The following ZFHX3 variants were observed in gnomAD, a reference collection of about 807,000 sequenced individuals.
ZFHX3 encodes the protein zinc finger homeobox protein 3.
In ZFHX3, 42 loss-of-function variants were observed where a neutral mutation model predicts 279.1. The ratio of observed to expected loss-of-function variants is 0.15; its 90% CI spans 0.12 to 0.19. The LOEUF is 0.19. ZFHX3 is among the 10% of genes least tolerant of loss of function. ZFHX3 has a pLI of 1.00. For synonymous variants in ZFHX3, 2,293 were observed against 1,957.8 expected, an observed-to-expected ratio of 1.17 and a Z score of -4.52; for missense variants, 4,981 against 4,754.0, an observed-to-expected ratio of 1.05 and a Z score of -1.40.
intron 2 of ZFHX3, among the ~76,000 whole-genome samples, chr16:73,646,321 T>A (rs1220231230): frequency 6.6e-6 from 1 of 152,104 alleles, no homozygotes; most frequent in African/African-American, 2.4e-5. Flanking sequence ...GATGAGACAA[T>A]GAGGGTACCC....
intron 1 of ZFHX3, among the ~76,000 whole-genome samples, chr16:73,731,943 C>A (rs2053573033): frequency 6.6e-6 from 1 of 152,140 alleles, no homozygotes; most frequent in Non-Finnish European, 1.5e-5. Flanking sequence ...AATAAAGTCA[C>A]TTTTTTGTTG....
At chr16:73,275,799 T>A (rs999793872) in intron 4 of ZFHX3, among the ~76,000 whole-genome samples, 2 of 152,186 alleles carry the variant, frequency 1.3e-5, no homozygotes, top group South Asian at 2.1e-4. Context: ...TGATGCAGGG[T>A]TGCCACAAAT....
At chr16:73,710,877 G>A (rs533743561) in intron 1 of ZFHX3, among the ~76,000 whole-genome samples, 58 of 152,240 alleles carry the variant, frequency 3.8e-4, no homozygotes, top group African/African-American at 1.0e-3. Flanking sequence ...TTAAGTGGCC[G>A]TGCTGAGGGT....
At chr16:73,497,804 G>T (rs1427245535) in intron 2 of ZFHX3, among the ~76,000 whole-genome samples, 1 of 152,186 alleles carries the variant, frequency 6.6e-6, no homozygotes, top group Non-Finnish European at 1.5e-5. Flanking sequence ...AGTTGCTGGA[G>T]AAAGGAGAAA....
At chr16:73,002,751 G>A (rs545498605) in intron 1 of ZFHX3, among the ~76,000 whole-genome samples, 2 of 152,106 alleles carry the variant, frequency 1.3e-5, no homozygotes, top group East Asian at 1.9e-4. Flanking sequence ...TTAGGTTCTC[G>A]CTAATTCACA....
At chr16:73,750,542 T>C (rs912660242) in intron 1 of ZFHX3, among the ~76,000 whole-genome samples, 1 of 152,172 alleles carries the variant, frequency 6.6e-6, no homozygotes, top group African/African-American at 2.4e-5. Context: ...AAAATGCAGA[T>C]GATCTATCTG....
intron 1 of ZFHX3, among the ~76,000 whole-genome samples, chr16:73,035,672 G>C (rs912716415): frequency 6.6e-6 from 1 of 152,230 alleles, no homozygotes; most frequent in East Asian, 1.9e-4. Context: ...GATCACTTGA[G>C]CTCAGGAGTT....
intron 1 of ZFHX3, among the ~76,000 whole-genome samples, chr16:72,991,137 C>A (rs749003431): frequency 2.0e-5 from 3 of 152,110 alleles, no homozygotes; most frequent in Non-Finnish European, 2.9e-5. Context: ...ACCCACATTA[C>A]AGTACAGTAA....
intron 2 of ZFHX3, among the ~76,000 whole-genome samples, chr16:73,573,857 A>G (rs1036941874): frequency 9.2e-5 from 14 of 152,198 alleles, no homozygotes; most frequent in Admixed American, 9.2e-4. Flanking sequence ...GCATATTTAC[A>G]TAAAATTTAC....
At chr16:73,520,429 C>G (rs1295516821) in intron 2 of ZFHX3, among the ~76,000 whole-genome samples, 1 of 152,156 alleles carries the variant, frequency 6.6e-6, no homozygotes, top group East Asian at 1.9e-4. Context: ...TAACTGTGAG[C>G]TTTTACCAGA....
chr16:72,839,411 G>A (rs2037287595), intron 4 of ZFHX3, among the ~76,000 whole-genome samples: 1 of 152,004 alleles, frequency 6.6e-6, no homozygotes, highest in Non-Finnish European at 1.5e-5. Context: ...CTTTCAAACA[G>A]TATTTTACAC....
chr16:72,911,681 A>G (rs894858185), intron 3 of ZFHX3, among the ~76,000 whole-genome samples: 3 of 152,214 alleles, frequency 2.0e-5, no homozygotes, highest in Non-Finnish European at 4.4e-5. Flanking sequence ...AAATAAAATG[A>G]AAAGTTCAAT....
At chr16:73,408,617 G>T (rs529214912) in intron 3 of ZFHX3, among the ~76,000 whole-genome samples, 1 of 152,206 alleles carries the variant, frequency 6.6e-6, no homozygotes, top group Non-Finnish European at 1.5e-5. Flanking sequence ...AACACGAGCA[G>T]AGCGGGGCTT....
rs763647776 is a variant in ZFHX3, at chr16:72,793,895, A to C, written c.8787T>G (p.Gly2929=). ...CAGATTTGCCTGCAGATCCACTCGC[A>C]CCAGGACTCGGGGAGCAGGGATCTG... ...SLADPCSPSP[G]ASGSAGKSGD... Residue 2929 remains glycine (G), a synonymous_variant, in exon 9 of 10, where the codon GGT becomes GGG. Coordinates refer to ENST00000268489, the MANE Select transcript of ZFHX3 (RefSeq NM_006885.4). This position sits in a 1 kb window ranked among gnomAD's most constrained non-coding sequence, Gnocchi z 4.3. 6.2e-7 allele frequency: 1 copy of C among 1,614,074 alleles called. No homozygotes were observed. Among genetic ancestry groups the C allele is most frequent in the Admixed American group, 1.7e-5 (1 of 60,004 alleles).
chr16:73,292,924 C>T (rs960180416), intron 4 of ZFHX3, among the ~76,000 whole-genome samples: 1 of 152,170 alleles, frequency 6.6e-6, no homozygotes, highest in Non-Finnish European at 1.5e-5. Context: ...AGAAGGTAGA[C>T]AGTCTGCTGA....
intron 1 of ZFHX3, among the ~76,000 whole-genome samples, chr16:73,852,267 C>G (rs565221001): frequency 3.3e-5 from 5 of 152,308 alleles, no homozygotes; most frequent in South Asian, 2.1e-4. Context: ...ACCAACACAA[C>G]ACGTCTTCAT....
intron 5 of ZFHX3, among the ~76,000 whole-genome samples, chr16:73,234,835 C>T (rs905454421): frequency 6.6e-6 from 1 of 152,192 alleles, no homozygotes; most frequent in African/African-American, 2.4e-5. Flanking sequence ...CCAATTGCCT[C>T]AGCCTTTGAA....
intron 3 of ZFHX3, among the ~76,000 whole-genome samples, chr16:73,391,848 A>T (rs8060956): frequency 0.61 from 93,194 of 151,948 alleles, 29,234 homozygotes; most frequent in Non-Finnish European, 0.69. Flanking sequence ...GATGATGCAC[A>T]CAACCGGGGA....
chr16:72,986,000 A>G (rs941897611), intron 1 of ZFHX3, among the ~76,000 whole-genome samples: 3 of 152,132 alleles, frequency 2.0e-5, no homozygotes, highest in African/African-American at 4.8e-5. Flanking sequence ...TGTTTACAAA[A>G]CTAATAAAGA....
Sources: gnomAD v4.1 joint callset for allele counts (sites outside exome capture counted in the v4.1 genomes callset) on GRCh38, gnomAD v4.1.1 for gene constraint, Gnocchi (gnomAD v3.1) non-coding constraint, MANE v1.5 for transcripts, NCBI Gene and HGNC (gene_info 2026-07-23, HGNC 2026-07-21) for gene names.